The following PTPRN2 variants were observed in gnomAD, a reference collection of about 807,000 sequenced individuals.
PTPRN2 encodes the protein receptor-type tyrosine-protein phosphatase N2.
In PTPRN2, 74 loss-of-function variants were observed where a neutral mutation model predicts 118.8. That is an observed-to-expected ratio of 0.62 (90% CI 0.52 to 0.76). The LOEUF (loss-of-function observed/expected upper bound fraction) is 0.76. Among genes scored for constraint, PTPRN2 ranks in the 30% least tolerant of loss-of-function variants. The pLI is 0.00. For synonymous variants in PTPRN2, 641 were observed against 608.0 expected (o/e 1.05, Z -0.80); for missense variants, 1,481 against 1,394.4 (o/e 1.06, Z -0.99).
intron 1 of PTPRN2, among the ~76,000 whole-genome samples, chr7:158,554,396 A>G (rs1410908129): frequency 6.6e-6 from 1 of 152,210 alleles, no homozygotes; most frequent in Non-Finnish European, 1.5e-5. Context: ...CTTTACCAGT[A>G]TGGTAAAGAG....
chr7:157,588,968 T>C (rs1480885647), intron 17 of PTPRN2, among the ~76,000 whole-genome samples: 1 of 152,148 alleles, frequency 6.6e-6, no homozygotes, highest in Non-Finnish European at 1.5e-5. Context: ...AAAAGATACC[T>C]AACATATAAT....
intron 3 of PTPRN2, among the ~76,000 whole-genome samples, chr7:158,210,141 T>TTC (rs1345479575): frequency 1.4e-5 from 2 of 145,240 alleles, no homozygotes; most frequent in African/African-American, 2.6e-5. Context: ...CTTTTTTTTT[T>TTC]TTTTTTTTTT....
intron 1 of PTPRN2, among the ~76,000 whole-genome samples, chr7:158,493,035 G>A (rs1563355425): frequency 6.6e-6 from 1 of 152,208 alleles, no homozygotes; most frequent in Non-Finnish European, 1.5e-5. Flanking sequence ...ACTTAAAACT[G>A]GAATTCCTTC....
At chr7:158,032,660 G>A (rs894608646) in intron 11 of PTPRN2, among the ~76,000 whole-genome samples, 1 of 151,790 alleles carries the variant, frequency 6.6e-6, no homozygotes, top group Admixed American at 6.6e-5. Context: ...TTCATACAAC[G>A]CTAAATGCAG....
intron 12 of PTPRN2, among the ~76,000 whole-genome samples, chr7:157,688,923 G>T (rs1170137444): frequency 2.0e-5 from 3 of 152,240 alleles, no homozygotes; most frequent in East Asian, 3.9e-4. Context: ...AAAGGCCAAG[G>T]GTTCCCGGGA....
intron 5 of PTPRN2, among the ~76,000 whole-genome samples, chr7:158,181,143 T>A (rs1422646745): frequency 6.6e-6 from 1 of 152,218 alleles, no homozygotes; most frequent in Non-Finnish European, 1.5e-5. Context: ...AGAGTTTTTA[T>A]CATGAAGTGA....
At chr7:158,535,893 T>C (rs1444631424) in intron 1 of PTPRN2, among the ~76,000 whole-genome samples, 1 of 150,254 alleles carries the variant, frequency 6.7e-6, no homozygotes, top group South Asian at 2.2e-4. Context: ...TTTTAAAATC[T>C]GCAAAAGTAC....
chr7:157,809,943 A>G (rs1805878287), intron 12 of PTPRN2, among the ~76,000 whole-genome samples: 1 of 152,148 alleles, frequency 6.6e-6, no homozygotes. Flanking sequence ...CAGGACTGTA[A>G]TGGGTCATGG....
chr7:157,866,838 C>A (rs571972782), intron 12 of PTPRN2, among the ~76,000 whole-genome samples: 1 of 125,592 alleles, frequency 8.0e-6, no homozygotes, highest in African/African-American at 3.0e-5. Context: ...CCGCCCCCCC[C>A]CGACGCCCTG....
At chr7:157,824,374 T>C (rs1019507962) in intron 12 of PTPRN2, among the ~76,000 whole-genome samples, 8 of 152,146 alleles carry the variant, frequency 5.3e-5, no homozygotes, top group Non-Finnish European at 1.5e-5. Flanking sequence ...ATTAGCAGGT[T>C]TGTCTTGGGA....
chr7:157,836,898 C>A (rs1305510135), intron 12 of PTPRN2, among the ~76,000 whole-genome samples: 1 of 151,884 alleles, frequency 6.6e-6, no homozygotes, highest in African/African-American at 2.4e-5. Flanking sequence ...ACTTACTCAT[C>A]CATCTACCCA....
chr7:158,549,870 G>A (rs1004728674), intron 1 of PTPRN2, among the ~76,000 whole-genome samples: 5 of 152,226 alleles, frequency 3.3e-5, no homozygotes, highest in African/African-American at 4.8e-5. Context: ...AGAACTTCCA[G>A]AGTTTAGAAA....
chr7:157,642,710 T>C (rs1245973517), intron 14 of PTPRN2, among the ~76,000 whole-genome samples: 5 of 150,676 alleles, frequency 3.3e-5, no homozygotes, highest in Non-Finnish European at 5.9e-5. Context: ...TAATGTTTGG[T>C]TACCCAATTT....
chr7:158,077,561 A>T (rs13233564), intron 11 of PTPRN2, among the ~76,000 whole-genome samples: 412 of 28,142 alleles, frequency 0.015, 2 homozygotes, highest in African/African-American at 0.037. Context: ...CCTATGAGCC[A>T]CACCCCCACC....
chr7:158,260,424 T>A (rs1797319376), intron 3 of PTPRN2, among the ~76,000 whole-genome samples: 1 of 152,132 alleles, frequency 6.6e-6, no homozygotes, highest in African/African-American at 2.4e-5. Flanking sequence ...GTCAGTAATG[T>A]ATAGTAATGC....
chr7:158,454,203 G>C (rs55880739), intron 2 of PTPRN2, among the ~76,000 whole-genome samples: 7,798 of 138,026 alleles, frequency 0.056, 233 homozygotes, highest in Non-Finnish European at 0.074. Flanking sequence ...TCACTGATGT[G>C]AGGATTGGGG....
At chr7:158,473,235 A>T (rs1279248187) in intron 2 of PTPRN2, among the ~76,000 whole-genome samples, 1 of 152,214 alleles carries the variant, frequency 6.6e-6, no homozygotes, top group African/African-American at 2.4e-5. Flanking sequence ...AACCAAAATT[A>T]AATCAGGATT....
At chr7:158,256,905 T>A (rs1797056712) in intron 3 of PTPRN2, among the ~76,000 whole-genome samples, 1 of 152,180 alleles carries the variant, frequency 6.6e-6, no homozygotes, top group East Asian at 1.9e-4. Flanking sequence ...AACATGGATG[T>A]GAGTTTATTC....
intron 12 of PTPRN2, among the ~76,000 whole-genome samples, chr7:157,827,873 C>A (rs377272666): frequency 2.6e-5 from 4 of 152,208 alleles, no homozygotes; most frequent in African/African-American, 9.7e-5. Context: ...CTTCCTCGGG[C>A]TGCACGTTCT....
Sources: gnomAD v4.1 joint callset for allele counts (sites outside exome capture counted in the v4.1 genomes callset) on GRCh38, gnomAD v4.1.1 for gene constraint, MANE v1.5 for transcripts, NCBI Gene and HGNC (gene_info 2026-07-23, HGNC 2026-07-21) for gene names.